FARP1: variants seen among roughly 807,000 people sequenced by gnomAD.
The protein encoded by FARP1 is FERM, ARHGEF and pleckstrin domain-containing protein 1.
Under a neutral mutation model 128.8 loss-of-function variants are expected in FARP1, and 52 were observed. That is an observed-to-expected ratio of 0.40 (90% confidence interval 0.32 to 0.51). FARP1 has a LOEUF of 0.51. Among genes scored for constraint, FARP1 ranks in the 20% least tolerant of loss-of-function variants. The pLI is 0.45. For missense variants in FARP1, 1,333 were observed against 1,367.9 expected (o/e 0.97, Z 0.40); for synonymous variants, 580 against 551.8 (o/e 1.05, Z -0.72).
chr13:98,336,977 T>C (rs1354744689), intron 2 of FARP1, among the ~76,000 whole-genome samples: 3 of 152,182 alleles, frequency 2.0e-5, no homozygotes, highest in African/African-American at 7.2e-5. Flanking sequence ...AATATTACGA[T>C]TGAGACTGAT....
chr13:98,449,718 TAAA>T lies in FARP1; in HGVS notation c.*1404_*1406del, dbSNP rs1045673331. ...CGGTTTCCAGTACTAACAAAGGGAA[TAAA>T]AATACCTCACGCCACAATCCAGCAT... is the stretch of plus-strand genomic sequence containing the variant. On this transcript the variant is annotated 3_prime_UTR_variant, in exon 27 of 27. Coordinates refer to ENST00000319562, the MANE Select transcript of FARP1 (RefSeq NM_005766.4). 7.0e-6 allele frequency: 1 copy of T among 143,752 alleles called. No homozygotes were observed. The highest frequency in any genetic ancestry group is 2.6e-5 in the African/African-American group (1 of 38,210). 8.9% of individuals were successfully genotyped at this position (143,752 alleles called of 1,614,324 possible). A position where few individuals can be genotyped will look rare whatever the true frequency, so the allele number is the denominator to read the frequency against.
chr13:98,306,469 T>C (rs1886161215), intron 2 of FARP1, among the ~76,000 whole-genome samples: 1 of 152,298 alleles, frequency 6.6e-6, no homozygotes, highest in East Asian at 1.9e-4. Flanking sequence ...AGACTTAGAA[T>C]TCAGGCCCAG....
chr13:98,447,945 G>A (rs553990601), intron 26 of FARP1: 32 of 452,870 alleles, frequency 7.1e-5, no homozygotes, highest in East Asian at 1.6e-4. Flanking sequence ...AGGAGGTAGC[G>A]TTCTCCCCAG....
At chr13:98,144,963 CT>C (rs1875411596) in intron 1 of FARP1, among the ~76,000 whole-genome samples, 1 of 152,182 alleles carries the variant, frequency 6.6e-6, no homozygotes, top group African/African-American at 2.4e-5. Context: ...ACATGGCTCA[CT>C]TTATATTCCT....
At chr13:98,300,282 G>C (rs1885868014) in intron 2 of FARP1, among the ~76,000 whole-genome samples, 1 of 152,194 alleles carries the variant, frequency 6.6e-6, no homozygotes, top group Admixed American at 6.5e-5. Context: ...TTTCACGTTA[G>C]TCACTTAGAG....
chr13:98,407,767 T>A (rs1221017124), intron 13 of FARP1, among the ~76,000 whole-genome samples: 2 of 152,210 alleles, frequency 1.3e-5, no homozygotes, highest in Non-Finnish European at 2.9e-5. Flanking sequence ...CTCCACTGTG[T>A]TGGCGGTGCT....
At chr13:98,218,346 A>G (rs555796935) in intron 2 of FARP1, among the ~76,000 whole-genome samples, 1 of 152,078 alleles carries the variant, frequency 6.6e-6, no homozygotes, top group East Asian at 1.9e-4. Flanking sequence ...TGCCCCTCGC[A>G]CTCATTATTC....
At chr13:98,325,361 T>C (rs1401628048) in intron 2 of FARP1, among the ~76,000 whole-genome samples, 1 of 152,202 alleles carries the variant, frequency 6.6e-6, no homozygotes. Flanking sequence ...CTCTATCTCA[T>C]ATGTTCTGTT....
chr13:98,323,607 T>G (rs1414272396), intron 2 of FARP1, among the ~76,000 whole-genome samples: 3 of 152,200 alleles, frequency 2.0e-5, no homozygotes, highest in Admixed American at 6.5e-5. Context: ...TCCAAGTTTT[T>G]CTATTTTAAA....
rs752518901 is a variant in FARP1 at position 98,211,688 on chromosome 13, AT to A, written c.-23-1529del. Among the ~76,000 whole-genome samples the A allele has an allele frequency of 5.9e-5, 9 of 152,224 alleles. 1 individual carries two copies. Among genetic ancestry groups the A allele is most frequent in the East Asian group, 3.9e-4 (2 of 5,184 alleles). On this transcript the variant is annotated intron_variant, in intron 1 of 26. Coordinates refer to ENST00000319562, the MANE Select transcript of FARP1 (RefSeq NM_005766.4). ...TGTCTCTTTCCAAGTATTTTCCAAC[AT>A]TTGAGACCAACTTGAGTTCAATTCT...
At chr13:98,355,571 G>T (rs146842121) in intron 3 of FARP1, among the ~76,000 whole-genome samples, 8 of 152,112 alleles carry the variant, frequency 5.3e-5, no homozygotes, top group Admixed American at 2.0e-4. Context: ...GGGCCCAGTG[G>T]TGTACGTTTC....
At position 98,310,320 on chromosome 13, in the gene FARP1, C is replaced by T. The variant is rs558165788; in HGVS notation, c.172-33442C>T. Among the ~76,000 whole-genome samples the T allele has an allele frequency of 3.9e-5, 6 of 152,250 alleles. No individual in the cohort carries two copies. The South Asian group carries it at 6.2e-4, about 16-fold the overall frequency. ...AAATACCATGGCTAAACCCCTCCCT[C>T]CTCTGAAGGGTTATAGCCACAGCCT... On this transcript the variant is annotated intron_variant, in intron 2 of 26. Coordinates refer to ENST00000319562, the MANE Select transcript of FARP1 (RefSeq NM_005766.4).
chr13:98,231,228 G>A (rs1403071347), intron 2 of FARP1, among the ~76,000 whole-genome samples: 5 of 151,938 alleles, frequency 3.3e-5, no homozygotes, highest in East Asian at 1.9e-4. Flanking sequence ...ATACTGCTTC[G>A]GCCAAGCTGA....
At chr13:98,446,520 C>A in intron 25 of FARP1, 146 bp from the exon 26 acceptor site, 2 of 798,060 alleles carry the variant, frequency 2.5e-6, no homozygotes, top group Non-Finnish European at 2.0e-6. Context: ...TACAGGCAAA[C>A]ACTGGCTGCC....
chr13:98,308,338 G>A (rs1886277637), intron 2 of FARP1, among the ~76,000 whole-genome samples: 1 of 152,182 alleles, frequency 6.6e-6, no homozygotes, highest in Non-Finnish European at 1.5e-5. Context: ...AGGGGCACGT[G>A]GGGCCTGAGT....
At chr13:98,265,996 A>G (rs533932640) in intron 2 of FARP1, among the ~76,000 whole-genome samples, 15 of 152,248 alleles carry the variant, frequency 9.9e-5, no homozygotes, top group African/African-American at 3.6e-4. Context: ...AGATCATCCT[A>G]TGTGACAGTA....
intron 2 of FARP1, among the ~76,000 whole-genome samples, chr13:98,284,616 A>T (rs541212460): frequency 6.6e-6 from 1 of 150,872 alleles, no homozygotes; most frequent in East Asian, 2.0e-4. Flanking sequence ...TACATTAAGG[A>T]TATCTAGACT....
In FARP1 at chr13:98,448,251, C is replaced by G. The variant is rs1273777383; in HGVS notation, c.3072C>G (p.Ile1024Met). 6.2e-7 allele frequency: 1 copy of G among 1,613,942 alleles called. No homozygotes were observed. The highest frequency in any genetic ancestry group is 1.7e-5 in the Admixed American group (1 of 60,032). ...EYTFERWMEV[I>M]RSATSSASRP... ...CGTGTTGCAGGTGGATGGAAGTGAT[C>G]CGCAGTGCCACCAGCTCTGCCTCGC... is the stretch of plus-strand genomic sequence containing the variant. The change falls in exon 27 of 27, where the codon ATC becomes ATG. Residue 1024 changes from isoleucine to methionine, a missense_variant. Transcript: ENST00000319562.
intron 24 of FARP1, among the ~76,000 whole-genome samples, chr13:98,443,909 G>A (rs1415848235): frequency 6.6e-6 from 1 of 152,200 alleles, no homozygotes; most frequent in Non-Finnish European, 1.5e-5. Flanking sequence ...AGGCCAGGGA[G>A]TGGCGGGCAC....
Sources: gnomAD v4.1 joint callset for allele counts (sites outside exome capture counted in the v4.1 genomes callset) on GRCh38, gnomAD v4.1.1 for gene constraint, MANE v1.5 for transcripts, NCBI Gene and HGNC (gene_info 2026-07-23, HGNC 2026-07-21) for gene names.